The following IGF1 variants were observed in gnomAD, a reference collection of about 807,000 sequenced individuals.
IGF1 encodes insulin like growth factor 1.
Under a neutral mutation model 13.8 loss-of-function variants are expected in IGF1, and 4 were observed. The observed-to-expected ratio is 0.29, with a 90% CI of 0.14 to 0.66. The LOEUF (loss-of-function observed/expected upper bound fraction) is 0.66. Ranked by LOEUF, IGF1 falls within the 30% of genes least tolerant of loss-of-function variation. The pLI is 0.78. For missense variants in IGF1, 124 were observed against 188.5 expected, an observed-to-expected ratio of 0.66 and a Z score of 2.00; for synonymous variants, 76 against 72.6, an observed-to-expected ratio of 1.05 and a Z score of -0.23.
At chr12:102,439,254 G>A (rs1877497166) in intron 2 of IGF1, among the ~76,000 whole-genome samples, 1 of 152,174 alleles carries the variant, frequency 6.6e-6, no homozygotes, top group Non-Finnish European at 1.5e-5. Context: ...GCATGCTTGT[G>A]AGTATTGGGA....
intron 2 of IGF1, among the ~76,000 whole-genome samples, chr12:102,460,329 A>C (rs114315497): frequency 0.012 from 1,832 of 152,218 alleles, 49 homozygotes; most frequent in African/African-American, 0.041. Flanking sequence ...CATTTCTTTC[A>C]TCATTAGTTT....
intron 1 of IGF1, among the ~76,000 whole-genome samples, chr12:102,479,936 AG>A (rs753929874): frequency 1.9e-4 from 29 of 151,438 alleles, no homozygotes; most frequent in Non-Finnish European, 3.8e-4. Flanking sequence ...CACATGCAAA[AG>A]AACATGGTCT....
At chr12:102,422,599 G>A (rs1056180196) in intron 2 of IGF1, among the ~76,000 whole-genome samples, 2 of 152,154 alleles carry the variant, frequency 1.3e-5, no homozygotes, top group Non-Finnish European at 2.9e-5. Flanking sequence ...CCACAATAAA[G>A]ATATTTGCTG....
At chr12:102,417,860 A>C in intron 3 of IGF1, 24 of 1,613,620 alleles carry the variant, frequency 1.5e-5, no homozygotes, top group Non-Finnish European at 2.0e-5. Context: ...TTCTACTTCC[A>C]ATCTCCCTCC....
intron 2 of IGF1, among the ~76,000 whole-genome samples, chr12:102,459,041 G>T (rs1320150709): frequency 6.6e-6 from 1 of 152,082 alleles, no homozygotes. Context: ...GGGGGTTTTT[G>T]GTAAAGCAGA....
chr12:102,411,212 T>A (rs1874607787), intron 3 of IGF1, among the ~76,000 whole-genome samples: 1 of 152,198 alleles, frequency 6.6e-6, no homozygotes, highest in Non-Finnish European at 1.5e-5. Flanking sequence ...TTCCTTCTAG[T>A]CTTCCAGTGC....
intron 2 of IGF1, among the ~76,000 whole-genome samples, chr12:102,469,477 ACAG>A (rs1880556742): frequency 6.6e-6 from 1 of 152,208 alleles, no homozygotes; most frequent in Admixed American, 6.5e-5. Context: ...AGGGTCTTGT[ACAG>A]CAGCAGCCTC....
intron 2 of IGF1, among the ~76,000 whole-genome samples, chr12:102,443,544 G>A (rs1878045758): frequency 6.6e-6 from 1 of 152,032 alleles, no homozygotes; most frequent in Non-Finnish European, 1.5e-5. Context: ...CTACATAAGA[G>A]AAACAAACTT....
chr12:102,455,364 G>C (rs1879302042), intron 2 of IGF1, among the ~76,000 whole-genome samples: 2 of 152,218 alleles, frequency 1.3e-5, no homozygotes, highest in Admixed American at 6.5e-5. Flanking sequence ...GTCACACACA[G>C]AAACAGTTCT....
At chr12:102,473,849 T>A (rs1880839701) in intron 2 of IGF1, among the ~76,000 whole-genome samples, 1 of 152,214 alleles carries the variant, frequency 6.6e-6, no homozygotes, top group Admixed American at 6.5e-5. Flanking sequence ...CAATCATTTT[T>A]TCCATTCTAA....
chr12:102,475,746 C>T lies in IGF1; in HGVS notation c.117G>A (p.Leu39=). 1 of 1,614,190 alleles carries T rather than the reference C, an allele frequency of 6.2e-7. No homozygotes were observed. Among genetic ancestry groups the T allele is most frequent in the Non-Finnish European group, 8.5e-7 (1 of 1,180,034 alleles). ...CCGTGGCAGAGCTGGTGAAGGTGAGCAGGCACAGCGCCAGGTAGAAGAGAT... is the reference window on the plus strand; with the variant it reads ...CCGTGGCAGAGCTGGTGAAGGTGAGTAGGCACAGCGCCAGGTAGAAGAGAT... ...SSHLFYLALC[L]LTFTSSATAG... The change falls in exon 2 of 4, where the codon CTG becomes CTA. Residue 39 remains leucine (L), a synonymous_variant. Coordinates refer to ENST00000337514, the MANE Select transcript of IGF1 (RefSeq NM_000618.5).
chr12:102,436,516 ATGG>A (rs1877233199), intron 2 of IGF1, among the ~76,000 whole-genome samples: 8 of 152,148 alleles, frequency 5.3e-5, no homozygotes, highest in African/African-American at 1.7e-4. Context: ...TCCTAGGGTA[ATGG>A]AGAGAAGCCA....
At chr12:102,434,789 C>T (rs1310008957) in intron 2 of IGF1, among the ~76,000 whole-genome samples, 1 of 151,130 alleles carries the variant, frequency 6.6e-6, no homozygotes, top group Admixed American at 6.6e-5. Context: ...CCTATTTCTC[C>T]ACATCCTCTC....
Position 102,475,627 on chromosome 12 carries a change from AG to A in IGF1, c.220+15del. The A allele has an allele frequency of 6.2e-7, 1 of 1,613,870 alleles. No homozygotes were observed. The highest frequency in any genetic ancestry group is 8.5e-7 in the Non-Finnish European group (1 of 1,179,812). Reference sequence around the variant, plus strand: ...CTTTAGACTTGAGCAGCACATTGAGAGGGAGGGCTACTTACTGAAATAAAAG... The same window carrying A: ...CTTTAGACTTGAGCAGCACATTGAGAGGAGGGCTACTTACTGAAATAAAAG... On this transcript the variant is annotated intron_variant, in intron 2 of 3. Transcript: ENST00000337514.
chr12:102,471,296 G>A (rs1464714298), intron 2 of IGF1, among the ~76,000 whole-genome samples: 3 of 152,166 alleles, frequency 2.0e-5, no homozygotes, highest in African/African-American at 7.2e-5. Context: ...CTATGAGTCT[G>A]TTAAAGCTAG....
chr12:102,430,269 G>A (rs2137045605), intron 2 of IGF1, among the ~76,000 whole-genome samples: 1 of 152,250 alleles, frequency 6.6e-6, no homozygotes, highest in Middle Eastern at 3.4e-3. Flanking sequence ...CAGCCTTCCA[G>A]CCAAGTACCT....
intron 2 of IGF1, among the ~76,000 whole-genome samples, chr12:102,441,960 T>TCTTCTTCTTCTTCTTCTTCTTCC (rs1565985036): frequency 6.8e-6 from 1 of 146,888 alleles, no homozygotes; most frequent in Admixed American, 7.3e-5. Context: ...TTCTTCTTTT[T>TCTTCTTCTTCTTCTTCTTCTTCC]TTTTTTTGAG....
At chr12:102,420,304 T>C (rs1357150636) in intron 2 of IGF1, among the ~76,000 whole-genome samples, 2 of 152,222 alleles carry the variant, frequency 1.3e-5, no homozygotes, top group Admixed American at 6.5e-5. Context: ...AAGTGCCTCA[T>C]TGAGGAGCCC....
At chr12:102,449,350 A>T (rs1419421694) in intron 2 of IGF1, among the ~76,000 whole-genome samples, 1 of 150,350 alleles carries the variant, frequency 6.7e-6, no homozygotes, top group African/African-American at 2.5e-5. Context: ...AACAATGAGA[A>T]CACATGGACA....
Sources: allele counts gnomAD v4.1 joint callset (sites outside exome capture counted in the v4.1 genomes callset), GRCh38; gene constraint gnomAD v4.1.1; transcripts MANE v1.5; gene names NCBI Gene and HGNC (gene_info 2026-07-23, HGNC 2026-07-21).